KLHL1: variants seen among roughly 807,000 people sequenced by gnomAD.
KLHL1 encodes the protein kelch like family member 1.
Under a neutral mutation model 77.7 loss-of-function variants are expected in KLHL1, and 47 were observed. The ratio of observed to expected loss-of-function variants is 0.60; its 90% CI spans 0.48 to 0.77. The LOEUF (loss-of-function observed/expected upper bound fraction) is 0.77. Ranked by LOEUF, KLHL1 falls within the 30% of genes least tolerant of loss-of-function variation. The probability of loss-of-function intolerance (pLI) is 0.00; values close to 1 mark genes in which losing one functional copy is unlikely to be tolerated. For missense variants in KLHL1, 925 were observed against 910.8 expected, an observed-to-expected ratio of 1.02 and a Z score of -0.20; for synonymous variants, 360 against 325.2, an observed-to-expected ratio of 1.11 and a Z score of -1.15.
chr13:69,903,334 C>T (rs1233649255), intron 4 of KLHL1, among the ~76,000 whole-genome samples: 2 of 152,070 alleles, frequency 1.3e-5, no homozygotes, highest in African/African-American at 4.8e-5. Context: ...GCTTGGAAAC[C>T]AACCAATTCC....
At chr13:69,808,993 T>C (rs1397936798) in intron 6 of KLHL1, among the ~76,000 whole-genome samples, 1 of 148,412 alleles carries the variant, frequency 6.7e-6, no homozygotes, top group East Asian at 2.0e-4. Context: ...CCTTTAAATC[T>C]ACCTAGTCAG....
chr13:69,976,290 T>C (rs1884543294), intron 1 of KLHL1, among the ~76,000 whole-genome samples: 1 of 152,022 alleles, frequency 6.6e-6, no homozygotes, highest in Non-Finnish European at 1.5e-5. Flanking sequence ...TTTCAAGTAA[T>C]ACTGACAATT....
intron 1 of KLHL1, among the ~76,000 whole-genome samples, chr13:70,099,230 T>C (rs1248905078): frequency 6.6e-6 from 1 of 151,894 alleles, no homozygotes; most frequent in Non-Finnish European, 1.5e-5. Flanking sequence ...AGACGTTCTA[T>C]ATAAGTAAAA....
chr13:69,975,783 A>G lies in KLHL1; in HGVS notation c.517T>C (p.Ser173Pro), dbSNP rs1198410085. 1.2e-6 allele frequency: 2 copies of G among 1,609,336 alleles called. No homozygotes were observed. Among genetic ancestry groups the G allele is most frequent in the Non-Finnish European group, 1.7e-6 (2 of 1,178,684 alleles). Reference protein sequence around the residue: ...CGHRLSSTGHSMTPQSDLDSS... With the variant: ...CGHRLSSTGHPMTPQSDLDSS... ...TCCAAATCACTTTGAGGTGTCATTG[A>G]ATGGCCGGTTGATGACAGCCTATAA... The change falls in exon 2 of 11, where the codon TCA becomes CCA. Residue 173 changes from serine to proline, a missense_variant. Ser to Pro is a moderately conservative substitution (Grantham distance 74). Transcript: ENST00000377844.
chr13:69,826,750 A>G (rs1174029964), intron 6 of KLHL1, among the ~76,000 whole-genome samples: 1 of 150,310 alleles, frequency 6.7e-6, no homozygotes, highest in Non-Finnish European at 1.5e-5. Context: ...TTATTTTTAA[A>G]TTGAAAAATA....
At chr13:69,923,140 G>A (rs187649531) in intron 4 of KLHL1, among the ~76,000 whole-genome samples, 11 of 152,230 alleles carry the variant, frequency 7.2e-5, no homozygotes, top group Non-Finnish European at 1.6e-4. Flanking sequence ...ATGGGAAGAA[G>A]GTTCATCAAA....
intron 6 of KLHL1, among the ~76,000 whole-genome samples, chr13:69,835,660 T>C (rs1338913413): frequency 6.6e-6 from 1 of 152,160 alleles, no homozygotes; most frequent in East Asian, 1.9e-4. Context: ...TAAAGAAAAT[T>C]AATTATGACT....
At chr13:69,975,398 T>C (rs1319886391) in intron 2 of KLHL1, among the ~76,000 whole-genome samples, 2 of 151,970 alleles carry the variant, frequency 1.3e-5, no homozygotes, top group Non-Finnish European at 2.9e-5. Context: ...AATTGTTTTG[T>C]TTTTCAAAAA....
At chr13:70,091,534 A>C (rs1887673229) in intron 1 of KLHL1, among the ~76,000 whole-genome samples, 1 of 152,052 alleles carries the variant, frequency 6.6e-6, no homozygotes, top group Non-Finnish European at 1.5e-5. Context: ...TGGGCAGCAA[A>C]ATTTTCAATT....
At chr13:69,904,374 T>C (rs973012025) in intron 4 of KLHL1, among the ~76,000 whole-genome samples, 6 of 152,210 alleles carry the variant, frequency 3.9e-5, no homozygotes, top group African/African-American at 1.4e-4. Flanking sequence ...GCGAGATTTC[T>C]ATGGTGCAAA....
chr13:69,988,800 G>C (rs1053029376), intron 1 of KLHL1, among the ~76,000 whole-genome samples: 1 of 151,944 alleles, frequency 6.6e-6, no homozygotes, highest in Non-Finnish European at 1.5e-5. Context: ...ACTTTTTAAT[G>C]GTGTTGTTTG....
intron 1 of KLHL1, among the ~76,000 whole-genome samples, chr13:70,069,339 C>T (rs1345640707): frequency 7.2e-5 from 11 of 152,144 alleles, no homozygotes; most frequent in Admixed American, 7.2e-4. Flanking sequence ...GCCAGTGAAA[C>T]CATAACTATA....
At chr13:69,896,389 C>G (rs1334941164) in intron 4 of KLHL1, among the ~76,000 whole-genome samples, 1 of 152,118 alleles carries the variant, frequency 6.6e-6, no homozygotes, top group East Asian at 1.9e-4. Flanking sequence ...TGCAAAGTAC[C>G]TACACAGTAA....
Position 69,800,673 on chromosome 13 carries a change from C to T in KLHL1, c.1415-3711G>A, listed in dbSNP as rs982316606. The stretch of plus-strand genomic sequence containing the variant: ...CCAATGTACTTTATTAGCTTTCTAT[C>T]TAAGCCACCTCATTCTATAATTACT... On this transcript the variant is annotated intron_variant, in intron 6 of 10. Coordinates refer to ENST00000377844, the MANE Select transcript of KLHL1 (RefSeq NM_020866.3). Among the ~76,000 whole-genome samples the T allele has an allele frequency of 1.2e-4, 19 of 152,188 alleles. No individual in the cohort carries two copies. In the Middle Eastern group the frequency reaches 0.014, roughly 109 times the overall value.
intron 3 of KLHL1, among the ~76,000 whole-genome samples, chr13:69,956,124 A>AT (rs1259536039): frequency 2.1e-5 from 3 of 141,402 alleles, no homozygotes; most frequent in Non-Finnish European, 3.1e-5. Flanking sequence ...TGATATATAT[A>AT]TTTGATATAT....
intron 6 of KLHL1, among the ~76,000 whole-genome samples, chr13:69,811,740 CA>C (rs1877890430): frequency 6.6e-6 from 1 of 152,108 alleles, no homozygotes; most frequent in Admixed American, 6.6e-5. Context: ...AAGATTCTAT[CA>C]AAAGACCCTA....
intron 9 of KLHL1, among the ~76,000 whole-genome samples, chr13:69,715,258 A>T: frequency 6.6e-6 from 1 of 152,236 alleles, no homozygotes; most frequent in African/African-American, 2.4e-5. Context: ...CCAGGTGCTG[A>T]GGGAGAAACT....
intron 1 of KLHL1, among the ~76,000 whole-genome samples, chr13:70,030,602 A>G (rs1886074215): frequency 2.0e-5 from 3 of 152,280 alleles, no homozygotes; most frequent in East Asian, 3.9e-4. Flanking sequence ...CAGCATGTAG[A>G]GGGAAATTTA....
intron 9 of KLHL1, among the ~76,000 whole-genome samples, chr13:69,711,390 G>T (rs9599498): frequency 6.6e-6 from 1 of 151,764 alleles, no homozygotes. Flanking sequence ...TCAAAAGAAT[G>T]GCACATAGAT....
Sources: gnomAD v4.1 joint callset for allele counts (sites outside exome capture counted in the v4.1 genomes callset) on GRCh38, gnomAD v4.1.1 for gene constraint, MANE v1.5 for transcripts, NCBI Gene and HGNC (gene_info 2026-07-23, HGNC 2026-07-21) for gene names.